The following VWF variants were observed in gnomAD, a reference collection of about 807,000 sequenced individuals.
VWF encodes the protein Factor VIII related antigen.
In VWF, 176 loss-of-function variants were observed where a neutral mutation model predicts 308.6. The ratio of observed to expected loss-of-function variants is 0.57; its 90% CI spans 0.50 to 0.65. VWF has a LOEUF of 0.65. VWF is among the 30% of genes least tolerant of loss of function. VWF has a pLI of 0.00. For missense variants in VWF, 3,146 were observed against 3,648.2 expected, an observed-to-expected ratio of 0.86 and a Z score of 3.55; for synonymous variants, 1,385 against 1,443.4, an observed-to-expected ratio of 0.96 and a Z score of 0.92.
chr12:6,058,157 A>AATATGAATG lies in VWF; in HGVS notation c.1534-122_1534-114dup, dbSNP rs1300679094. ...AAAAAAGTTCCCCGGGTGAAACATA[A>AATATGAATG]ATATGAATGTAATAAAAGGCAGCTA... On this transcript the variant is annotated intron_variant, in intron 13 of 51. Coordinates refer to ENST00000261405, the MANE Select transcript of VWF (RefSeq NM_000552.5). The surrounding 1 kb of genome is among the most constrained non-coding windows in gnomAD (Gnocchi z 4.9). The AATATGAATG allele has an allele frequency of 4.0e-6, 5 of 1,263,716 alleles. No homozygotes were observed. The highest frequency in any genetic ancestry group is 4.9e-5 in the Admixed American group (2 of 41,168). The allele number at this position is 1,263,716 out of a possible 1,614,324, so 78.3% of individuals were successfully genotyped here.
intron 26 of VWF, 105 bp downstream of exon 26, chr12:6,022,635 T>C (rs996347948): frequency 1.0e-5 from 3 of 294,658 alleles, no homozygotes; most frequent in African/African-American, 5.7e-5. Context: ...AGGTCAGAGA[T>C]AGGACGTGGC....
intron 20 of VWF, among the ~76,000 whole-genome samples, chr12:6,032,270 G>A (rs1433167361): frequency 6.6e-6 from 1 of 151,978 alleles, no homozygotes; most frequent in Non-Finnish European, 1.5e-5. Context: ...GGAGGCTGCA[G>A]TGAGCCGAGA....
At chr12:6,123,614 CCCAG>C (rs1945455898) in intron 1 of VWF, among the ~76,000 whole-genome samples, 1 of 152,206 alleles carries the variant, frequency 6.6e-6, no homozygotes, top group Non-Finnish European at 1.5e-5. Flanking sequence ...ACCACAGCAG[CCCAG>C]ACATAGAGAA....
chr12:6,071,459 A>T, intron 9 of VWF, 116 bp from the exon 10 acceptor site: 1 of 1,163,100 alleles, frequency 8.6e-7, no homozygotes, highest in Non-Finnish European at 1.3e-6. Flanking sequence ...GTGGGAAAAG[A>T]AAAGAGCTGG....
At chr12:6,041,002 G>A (rs1378546046) in intron 18 of VWF, among the ~76,000 whole-genome samples, 1 of 152,178 alleles carries the variant, frequency 6.6e-6, no homozygotes, top group Admixed American at 6.5e-5. Flanking sequence ...CTGTGAGGAC[G>A]CAAGCACAGA....
intron 14 of VWF, 32 bp downstream of exon 14, chr12:6,057,817 G>A (rs1287663942): frequency 1.6e-5 from 25 of 1,580,632 alleles, no homozygotes; most frequent in Non-Finnish European, 1.9e-5. Flanking sequence ...GAGATTCTGC[G>A]AGGTCCCTGC....
chr12:6,074,160 T>C (rs571437569), intron 7 of VWF, among the ~76,000 whole-genome samples: 2 of 152,046 alleles, frequency 1.3e-5, no homozygotes, highest in East Asian at 1.9e-4. Flanking sequence ...CCCCATGAAA[T>C]TGGCCCCAAT....
rs216310 is a variant in VWF at position 6,018,777 on chromosome 12, A to G, written c.4641T>C (p.Thr1547=). 0.65 allele frequency: 1,035,593 copies of G among 1,601,608 alleles called. 341,539 individuals carry two copies. Among genetic ancestry groups the G allele is most frequent in the African/African-American group, 0.9 (67,171 of 74,788 alleles). ...GTGCCTCGCTGAAGGGGTACTCCAC[A>G]GTCACCATGTAGGAGTACTGCAGCA... is the stretch of plus-strand genomic sequence containing the variant. ...VTVLQYSYMV[T]VEYPFSEAQS... The change falls in exon 28 of 52, where the codon ACT becomes ACC. Residue 1547 remains threonine, a synonymous_variant. Transcript: ENST00000261405.
chr12:6,124,535 A>C lies in VWF; in HGVS notation c.-115T>G, dbSNP rs767965922. 5 of 152,506 alleles carry C rather than the reference A, an allele frequency of 3.3e-5. No homozygotes were observed. The highest frequency in any genetic ancestry group is 9.6e-5 in the African/African-American group (4 of 41,482). The allele number at this position is 152,506 out of a possible 1,614,324, so 9.4% of individuals were successfully genotyped here. A position where few individuals can be genotyped will look rare whatever the true frequency, so the allele number is the denominator to read the frequency against. On this transcript the variant is annotated 5_prime_UTR_variant, in exon 1 of 52. Transcript: ENST00000261405. ...TCTCAGCTGCTGCAAAGGCTCAATC[A>C]GGTCTGCTACAGCTCCGGACTGTCT...
intron 21 of VWF, among the ~76,000 whole-genome samples, chr12:6,030,074 G>A (rs970876958): frequency 1.3e-5 from 2 of 152,168 alleles, no homozygotes; most frequent in Non-Finnish European, 2.9e-5. Flanking sequence ...CCCAATCCCT[G>A]CCAGTGCTGT....
chr12:6,025,215 T>A (rs1294079325), intron 24 of VWF, among the ~76,000 whole-genome samples: 1 of 152,190 alleles, frequency 6.6e-6, no homozygotes. Flanking sequence ...GAAGGTCTTT[T>A]GGTCTGGACA....
At chr12:6,116,891 C>T (rs922436401) in intron 3 of VWF, among the ~76,000 whole-genome samples, 36 of 152,170 alleles carry the variant, frequency 2.4e-4, no homozygotes, top group African/African-American at 8.7e-4. Context: ...GATGTCATTG[C>T]AGAACAATGG....
intron 43 of VWF, among the ~76,000 whole-genome samples, chr12:5,975,635 C>T (rs1349239482): frequency 6.6e-6 from 1 of 152,190 alleles, no homozygotes; most frequent in Non-Finnish European, 1.5e-5. Context: ...TCAGAGCATA[C>T]ATTTGTTCTA....
Position 6,046,530 on chromosome 12 carries a change from C to T in VWF, c.2281+193G>A, listed in dbSNP as rs1407077763. Among the ~76,000 whole-genome samples, 1 of 152,276 alleles carries T rather than the reference C, an allele frequency of 6.6e-6. No individual in the cohort carries two copies. Among genetic ancestry groups the T allele is most frequent in the Non-Finnish European group, 1.5e-5 (1 of 68,048 alleles). ...CTTGCCTCAATGGTCGGGATTGACA[C>T]ATGCAAAGACATGCCTTGGCCTGAA... On this transcript the variant is annotated intron_variant, in intron 17 of 51. Coordinates refer to ENST00000261405, the MANE Select transcript of VWF (RefSeq NM_000552.5). This position sits in a 1 kb window ranked among gnomAD's most constrained non-coding sequence, Gnocchi z 5.0.
chr12:5,966,687 A>T (rs771301945), intron 47 of VWF, among the ~76,000 whole-genome samples: 3 of 151,978 alleles, frequency 2.0e-5, no homozygotes, highest in African/African-American at 4.8e-5. Context: ...GAGGGAGACA[A>T]GCACTTCCCT....
intron 6 of VWF, among the ~76,000 whole-genome samples, chr12:6,088,994 C>G (rs1945003554): frequency 6.6e-6 from 1 of 152,086 alleles, no homozygotes. Flanking sequence ...ACAGAAAGCA[C>G]CAGAGGGTTG....
At chr12:6,089,829 T>C (rs1014843808) in intron 6 of VWF, among the ~76,000 whole-genome samples, 13 of 152,012 alleles carry the variant, frequency 8.6e-5, no homozygotes, top group Non-Finnish European at 1.8e-4. Context: ...CCTCACCCAC[T>C]GAAGCACCCA....
At chr12:6,031,312 T>A in intron 21 of VWF, 132 bp downstream of exon 21, 1 of 1,496,780 alleles carries the variant, frequency 6.7e-7, no homozygotes, top group Non-Finnish European at 9.2e-7. Flanking sequence ...TTGCAATAGC[T>A]CTGCCTCATC....
chr12:6,085,863 GT>G (rs1565857983), intron 6 of VWF, among the ~76,000 whole-genome samples: 1 of 152,054 alleles, frequency 6.6e-6, no homozygotes, highest in Non-Finnish European at 1.5e-5. Flanking sequence ...AAACCTGCAC[GT>G]TCAGCACATG....
Sources: gnomAD v4.1 joint callset for allele counts (sites outside exome capture counted in the v4.1 genomes callset) on GRCh38, gnomAD v4.1.1 for gene constraint, Gnocchi (gnomAD v3.1) non-coding constraint, MANE v1.5 for transcripts, NCBI Gene and HGNC (gene_info 2026-07-23, HGNC 2026-07-21) for gene names.